Variants in VPS4B observed in about 807,000 individuals in gnomAD.
The protein encoded by VPS4B is vacuolar protein sorting-associated protein 4B.
Under a neutral mutation model 56.1 loss-of-function variants are expected in VPS4B, and 23 were observed. That is an observed-to-expected ratio of 0.41 (90% CI 0.30 to 0.58). The LOEUF (loss-of-function observed/expected upper bound fraction) is 0.58, where lower values mean the gene tolerates loss of function less well. Among genes scored for constraint, VPS4B ranks in the 20% least tolerant of loss-of-function variants. The pLI is 0.29. For synonymous variants in VPS4B, 177 were observed against 186.0 expected, an observed-to-expected ratio of 0.95 and a Z score of 0.39; for missense variants, 372 against 531.9, an observed-to-expected ratio of 0.70 and a Z score of 2.96.
At chr18:63,419,425 A>T (rs910706550) in intron 1 of VPS4B, among the ~76,000 whole-genome samples, 3 of 152,272 alleles carry the variant, frequency 2.0e-5, no homozygotes, top group Non-Finnish European at 2.9e-5. Flanking sequence ...TCAAAAAAAA[A>T]AAAATAAATG....
intron 4 of VPS4B, among the ~76,000 whole-genome samples, chr18:63,404,279 T>G (rs1915870116): frequency 6.6e-6 from 1 of 151,226 alleles, no homozygotes; most frequent in Non-Finnish European, 1.5e-5. Context: ...AATCCTCTCC[T>G]CAACCACTGA....
rs776104597 is a variant in VPS4B, at chr18:63,400,663, C to T, written c.525G>A (p.Pro175=). The change falls in exon 6 of 11, where the codon CCG becomes CCA. Residue 175 remains proline, a synonymous_variant. Coordinates refer to ENST00000238497, the MANE Select transcript of VPS4B (RefSeq NM_004869.4). ...CTAAGTAGGACTTTCCTGTTCCAGGCGGCCCAAATAATAGGATTCCCCTCC... is the reference window on the plus strand; with the variant it reads ...CTAAGTAGGACTTTCCTGTTCCAGGTGGCCCAAATAATAGGATTCCCCTCC... ...TPWRGILLFG[P]PGTGKSYLAK... 1.1e-5 allele frequency: 17 copies of T among 1,604,632 alleles called. No homozygotes were observed. The highest frequency in any genetic ancestry group is 8.9e-5 in the East Asian group (4 of 44,784).
Position 63,390,747 on chromosome 18 carries a change from T to C in VPS4B, c.*228A>G. 1 of 327,660 alleles carries C rather than the reference T, an allele frequency of 3.1e-6. No homozygotes were observed. The highest frequency in any genetic ancestry group is 5.6e-6 in the Non-Finnish European group (1 of 179,436). The allele number at this position is 327,660 out of a possible 1,614,324, so 20.3% of individuals were successfully genotyped here. A position where few individuals can be genotyped will look rare whatever the true frequency, so the allele number is the denominator to read the frequency against. ...GTAATTTCTGTTTTTATGCCGTTCA[T>C]ATATCGCTCATTTCCTCATAACCTG... On this transcript the variant is annotated 3_prime_UTR_variant, in exon 11 of 11. Coordinates refer to ENST00000238497, the MANE Select transcript of VPS4B (RefSeq NM_004869.4).
intron 9 of VPS4B, among the ~76,000 whole-genome samples, chr18:63,394,332 C>T (rs1075916): frequency 0.055 from 8,397 of 152,238 alleles, 742 homozygotes; most frequent in African/African-American, 0.18. Context: ...AAATTGTATG[C>T]TAAATGCAGT....
chr18:63,407,540 G>A, intron 3 of VPS4B, 41 bp from the exon 4 acceptor site: 2 of 1,489,292 alleles, frequency 1.3e-6, no homozygotes, highest in South Asian at 1.3e-5. Flanking sequence ...ATCACTCATT[G>A]CTATCAAATA....
At chr18:63,416,740 G>A (rs1003946441) in intron 1 of VPS4B, among the ~76,000 whole-genome samples, 5 of 152,152 alleles carry the variant, frequency 3.3e-5, no homozygotes, top group African/African-American at 1.2e-4. Flanking sequence ...CCGAACCCTA[G>A]AATCCTCCTG....
intron 3 of VPS4B, among the ~76,000 whole-genome samples, chr18:63,408,165 G>A (rs1241955818): frequency 1.3e-5 from 2 of 152,152 alleles, no homozygotes; most frequent in Non-Finnish European, 2.9e-5. Flanking sequence ...GCATATGACA[G>A]GATACATTGC....
At chr18:63,406,331 A>G (rs1228379753) in intron 4 of VPS4B, among the ~76,000 whole-genome samples, 3 of 152,214 alleles carry the variant, frequency 2.0e-5, no homozygotes, top group African/African-American at 7.2e-5. Flanking sequence ...TTGTCAACAC[A>G]TTATCCTTAC....
chr18:63,420,332 C>A (rs1916267625), intron 1 of VPS4B, among the ~76,000 whole-genome samples: 1 of 152,138 alleles, frequency 6.6e-6, no homozygotes, highest in South Asian at 2.1e-4. Flanking sequence ...CCTGTAATCC[C>A]AGCTACTCGG....
intron 9 of VPS4B, 119 bp downstream of exon 9, chr18:63,396,915 G>A (rs552250195): frequency 4.9e-5 from 44 of 898,374 alleles, no homozygotes; most frequent in South Asian, 2.8e-4. Flanking sequence ...GCTTGAACCC[G>A]GGAGGCGGAG....
At chr18:63,412,543 G>A (rs1001174055) in intron 1 of VPS4B, among the ~76,000 whole-genome samples, 2 of 152,060 alleles carry the variant, frequency 1.3e-5, no homozygotes, top group African/African-American at 4.8e-5. Flanking sequence ...CAATGGCACC[G>A]AGTCAGGCTT....
intron 2 of VPS4B, among the ~76,000 whole-genome samples, chr18:63,411,180 C>G (rs1244054163): frequency 1.3e-5 from 2 of 152,206 alleles, no homozygotes; most frequent in African/African-American, 2.4e-5. Flanking sequence ...GGTACACACG[C>G]AATACATATC....
chr18:63,419,832 G>A (rs997900852), intron 1 of VPS4B, among the ~76,000 whole-genome samples: 6 of 152,224 alleles, frequency 3.9e-5, no homozygotes, highest in African/African-American at 1.4e-4. Flanking sequence ...TAAAACCACA[G>A]GGAAGTGGAG....
intron 5 of VPS4B, among the ~76,000 whole-genome samples, chr18:63,401,705 A>AAG (rs1427944074): frequency 1.3e-5 from 2 of 152,200 alleles, no homozygotes; most frequent in African/African-American, 2.4e-5. Context: ...ACATTTAAAA[A>AAG]ACTATGGCTG....
At chr18:63,393,288 CA>C in intron 10 of VPS4B, 120 bp downstream of exon 10, 1 of 913,986 alleles carries the variant, frequency 1.1e-6, no homozygotes, top group Non-Finnish European at 1.5e-6. Context: ...TTTAATGAGT[CA>C]ACAATATTAA....
intron 8 of VPS4B, among the ~76,000 whole-genome samples, chr18:63,398,157 G>GTATACATA (rs1915713620): frequency 6.7e-6 from 1 of 150,232 alleles, no homozygotes; most frequent in Non-Finnish European, 1.5e-5. Context: ...ATGTGTGTGT[G>GTATACATA]TATACATATA....
chr18:63,414,963 G>A (rs1916130646), intron 1 of VPS4B, among the ~76,000 whole-genome samples: 1 of 152,238 alleles, frequency 6.6e-6, no homozygotes, highest in South Asian at 2.1e-4. Flanking sequence ...TGATGAGAAT[G>A]TCTGTATATG....
chr18:63,408,316 T>C (rs966838939), intron 3 of VPS4B, among the ~76,000 whole-genome samples: 1 of 152,194 alleles, frequency 6.6e-6, no homozygotes. Flanking sequence ...AAGCATGACA[T>C]GTTTTATGCC....
chr18:63,409,407 C>T (rs987827650), intron 3 of VPS4B, among the ~76,000 whole-genome samples: 1 of 152,142 alleles, frequency 6.6e-6, no homozygotes, highest in Non-Finnish European at 1.5e-5. Context: ...CACTGCATAC[C>T]ATGAACAATG....
Sources: allele counts gnomAD v4.1 joint callset (sites outside exome capture counted in the v4.1 genomes callset), GRCh38; gene constraint gnomAD v4.1.1; transcripts MANE v1.5; gene names NCBI Gene and HGNC (gene_info 2026-07-23, HGNC 2026-07-21).